The following TARDBP variants were observed in gnomAD, a reference collection of about 807,000 sequenced individuals.
TARDBP encodes TAR DNA binding protein, also known as TAR DNA-binding protein 43.
TARDBP carries 4 observed loss-of-function variants against 38.3 expected under a neutral mutation model. That is an observed-to-expected ratio of 0.10 (90% CI 0.05 to 0.24). The LOEUF (loss-of-function observed/expected upper bound fraction) is 0.24, where lower values mean the gene tolerates loss of function less well. TARDBP is among the 10% of genes least tolerant of loss of function. The pLI is 1.00. For synonymous variants in TARDBP, 184 were observed against 183.8 expected, an observed-to-expected ratio of 1.00 and a Z score of -0.01; for missense variants, 202 against 521.9, an observed-to-expected ratio of 0.39 and a Z score of 5.97.
At chr1:11,015,228 G>A (rs1643495998) in intron 2 of TARDBP, among the ~76,000 whole-genome samples, 1 of 152,026 alleles carries the variant, frequency 6.6e-6, no homozygotes, top group Admixed American at 6.6e-5. Flanking sequence ...GCTCACACCT[G>A]TAATCCCAGC....
At position 11,018,966 on chromosome 1, in the gene TARDBP, C is replaced by G; in HGVS notation, c.543+93C>G. The G allele has an allele frequency of 1.9e-6, 3 of 1,567,754 alleles. No homozygotes were observed. The South Asian group carries it at 3.3e-5, about 17-fold the overall frequency. ...TAAACACACTTAGAAAAGATAGCGG[C>G]AGGGTGTGTTCATGAAATCCTTTTG... is the stretch of plus-strand genomic sequence containing the variant. On this transcript the variant is annotated intron_variant, in intron 4 of 5. Transcript: ENST00000240185.
downstream of TARDBP, chr1:11,027,674 GAGCCTTTGTA>G (rs1347574612): frequency 6.4e-7 from 1 of 1,551,266 alleles, no homozygotes; most frequent in African/African-American, 1.4e-5. Flanking sequence ...GATAGGTAGA[GAGCCTTTGTA>G]AAAATGTCAA....
At chr1:11,026,612 G>A, downstream of TARDBP, 1 of 286,732 alleles carries the variant, frequency 3.5e-6, no homozygotes, top group Admixed American at 5.2e-5. Flanking sequence ...GGCTTTTTAA[G>A]GTAATGAAAT....
downstream of TARDBP, chr1:11,026,066 C>T (rs1357626115): frequency 6.5e-6 from 1 of 154,958 alleles, no homozygotes. Flanking sequence ...TGTGGAAATG[C>T]CATGTTTTGA....
chr1:11,014,996 A>G (rs1478756498), intron 2 of TARDBP, among the ~76,000 whole-genome samples: 3 of 152,046 alleles, frequency 2.0e-5, no homozygotes, highest in Non-Finnish European at 2.9e-5. Flanking sequence ...AGTCCCAGCT[A>G]GTCTGGAGGC....
chr1:11,018,168 T>C (rs6689580), intron 3 of TARDBP, among the ~76,000 whole-genome samples: 126,454 of 152,082 alleles, frequency 0.83, 52,634 homozygotes, highest in East Asian at 0.86. Context: ...AGGCGTGAGC[T>C]ACTGTGCCTG....
intron 2 of TARDBP, among the ~76,000 whole-genome samples, 183 bp from the exon 3 acceptor site, chr1:11,016,661 C>T (rs1435518165): frequency 6.6e-6 from 1 of 152,182 alleles, no homozygotes; most frequent in African/African-American, 2.4e-5. Context: ...AGAAAAGCAC[C>T]TCAGACACTA....
intron 5 of TARDBP, among the ~76,000 whole-genome samples, chr1:11,021,152 T>A (rs1223121196): frequency 2.7e-5 from 4 of 150,724 alleles, no homozygotes; most frequent in African/African-American, 2.5e-5. Context: ...TTTTTTTTTT[T>A]TTTGAGACAG....
At chr1:11,029,190 C>T (rs1423097980), downstream of TARDBP, among the ~76,000 whole-genome samples, 4 of 150,268 alleles carry the variant, frequency 2.7e-5, no homozygotes, top group Admixed American at 6.7e-5. Flanking sequence ...TTAGTAGAGA[C>T]GGAGTTTCAC....
downstream of TARDBP, chr1:11,027,374 A>G (rs1643755606): frequency 6.2e-7 from 1 of 1,614,112 alleles, no homozygotes; most frequent in Admixed American, 1.7e-5. Flanking sequence ...CAGCATCATG[A>G]GTATAACCTT....
downstream of TARDBP, chr1:11,027,561 AT>A: frequency 1.2e-6 from 2 of 1,614,156 alleles, no homozygotes; most frequent in Non-Finnish European, 1.7e-6. Context: ...TCCACCTAAT[AT>A]CAGGACTTGC....
In TARDBP at chr1:11,023,259, A is replaced by T. The variant is rs575772488; in HGVS notation, c.*605A>T. ...AAAGTAGTGCTGTAAATATTCTGCCATAGGAATACTGTCTACATGCTTTCT... is the reference window on the plus strand; with the variant it reads ...AAAGTAGTGCTGTAAATATTCTGCCTTAGGAATACTGTCTACATGCTTTCT... On this transcript the variant is annotated 3_prime_UTR_variant, in exon 6 of 6. Transcript: ENST00000240185. 6.5e-7 allele frequency: 1 copy of T among 1,550,380 alleles called. No individual in the cohort carries two copies. Among genetic ancestry groups the T allele is most frequent in the East Asian group, 2.4e-5 (1 of 40,928 alleles).
downstream of TARDBP, chr1:11,026,823 C>T (rs368424891): frequency 1.2e-4 from 163 of 1,388,408 alleles, no homozygotes; most frequent in African/African-American, 2.0e-3. Flanking sequence ...CGAGCCACGT[C>T]GCTGCCAAGG....
At chr1:11,021,978 TG>T in intron 5 of TARDBP, 145 bp from the exon 6 acceptor site, 1 of 869,360 alleles carries the variant, frequency 1.2e-6, no homozygotes, top group Non-Finnish European at 1.8e-6. Context: ...AAAGCTGTAT[TG>T]GGGGTTTAAA....
In TARDBP at chr1:11,013,977, T is replaced by C. The variant is rs1202530100; in HGVS notation, c.238+12T>C. ...CAACTATCCAAAAGGTTTGTTACCA[T>C]TTGGTTTTTGTAATCATGCTGAAGT... On this transcript the variant is annotated intron_variant, in intron 2 of 5. Coordinates refer to ENST00000240185, the MANE Select transcript of TARDBP (RefSeq NM_007375.4). 1 of 1,613,850 alleles carries C rather than the reference T, an allele frequency of 6.2e-7. No individual in the cohort carries two copies. The highest frequency in any genetic ancestry group is 1.1e-5 in the South Asian group (1 of 91,046).
At chr1:11,030,275 A>C, downstream of TARDBP, 1 of 1,528,838 alleles carries the variant, frequency 6.5e-7, no homozygotes, top group South Asian at 1.1e-5. Context: ...AAAAGCAAAA[A>C]TGTTTAACTG....
At chr1:11,014,687 C>A (rs990138249) in intron 2 of TARDBP, among the ~76,000 whole-genome samples, 1 of 152,088 alleles carries the variant, frequency 6.6e-6, no homozygotes, top group African/African-American at 2.4e-5. Context: ...GCCTGTAATC[C>A]CAGCACTTTG....
At chr1:11,018,504 A>T (rs1643574060) in intron 3 of TARDBP, 1 of 592,260 alleles carries the variant, frequency 1.7e-6, no homozygotes, top group Non-Finnish European at 2.9e-6. Context: ...TCTCTTTTTT[A>T]AAAAACTCAA....
At position 11,022,592 on chromosome 1, in the gene TARDBP, A is replaced by G; in HGVS notation, c.1183A>G (p.Ser395Gly). 1 of 1,593,482 alleles carries G rather than the reference A, an allele frequency of 6.3e-7. No individual in the cohort carries two copies. Among genetic ancestry groups the G allele is most frequent in the South Asian group, 1.1e-5 (1 of 87,860 alleles). ...WGSASNAGSG[S>G]GFNGGFGSSM... ...ATCAGCATCCAATGCAGGGTCGGGC[A>G]GTGGTTTTAATGGAGGCTTTGGCTC... The change falls in exon 6 of 6, where the codon AGT becomes GGT. Residue 395 changes from serine (S) to glycine (G), a missense_variant. By Grantham distance (56) the Ser-to-Gly change is moderately conservative. Transcript: ENST00000240185. The surrounding 1 kb of genome is among the most constrained non-coding windows in gnomAD (Gnocchi z 4.5).
Sources: gnomAD v4.1 joint callset for allele counts (sites outside exome capture counted in the v4.1 genomes callset) on GRCh38, gnomAD v4.1.1 for gene constraint, Gnocchi (gnomAD v3.1) non-coding constraint, MANE v1.5 for transcripts, NCBI Gene and HGNC (gene_info 2026-07-23, HGNC 2026-07-21) for gene names.